TRRAP: variants seen among roughly 807,000 people sequenced by gnomAD.
The protein encoded by TRRAP is transformation/transcription domain-associated protein.
Under a neutral mutation model 438.8 loss-of-function variants are expected in TRRAP, and 41 were observed. The observed-to-expected ratio is 0.09, with a 90% CI of 0.07 to 0.12. TRRAP has a LOEUF of 0.12. Ranked by LOEUF, TRRAP falls within the 10% of genes least tolerant of loss-of-function variation. The probability of loss-of-function intolerance (pLI) is 1.00; values close to 1 mark genes in which losing one functional copy is unlikely to be tolerated. For missense variants in TRRAP, 3,122 were observed against 5,055.1 expected (o/e 0.62, Z 11.60); for synonymous variants, 1,994 against 1,962.9 (o/e 1.02, Z -0.42).
intron 28 of TRRAP, among the ~76,000 whole-genome samples, chr7:98,936,045 C>T (rs746175981): frequency 1.2e-4 from 18 of 152,202 alleles, no homozygotes; most frequent in Non-Finnish European, 2.6e-4. Context: ...TTTGTTAATC[C>T]TGCAGTCTCT....
intron 30 of TRRAP, among the ~76,000 whole-genome samples, chr7:98,940,125 C>G (rs1311512600): frequency 6.6e-6 from 1 of 152,004 alleles, no homozygotes; most frequent in Non-Finnish European, 1.5e-5. Context: ...CTCAAGTGAT[C>G]CACCTGCCTT....
Position 98,931,684 on chromosome 7 carries a change from G to A in TRRAP, c.3852+19G>A. Reference sequence around the variant, plus strand: ...CAAAGAGGTGAGATTTCTGTCACCAGAACCAAGGTAATTTCAACAAAACTT... The same window carrying A: ...CAAAGAGGTGAGATTTCTGTCACCAAAACCAAGGTAATTTCAACAAAACTT... On this transcript the variant is annotated intron_variant, in intron 26 of 72. Coordinates refer to ENST00000456197, the MANE Select transcript of TRRAP (RefSeq NM_001375524.1). The A allele has an allele frequency of 6.3e-7, 1 of 1,598,200 alleles. No homozygotes were observed.
chr7:98,953,391 C>G lies in TRRAP; in HGVS notation c.5688C>G (p.His1896Gln). 6.2e-7 allele frequency: 1 copy of G among 1,613,352 alleles called. No homozygotes were observed. The highest frequency in any genetic ancestry group is 8.5e-7 in the Non-Finnish European group (1 of 1,180,030). Residue 1896 changes from histidine (H) to glutamine (Q), a missense_variant, in exon 40 of 73, where the codon CAC becomes CAG. By Grantham distance (24) the His-to-Gln change is conservative (BLOSUM62 0). This residue lies in a region of TRRAP where 22 missense variants were observed against 28.8 expected (regional missense o/e 0.76). Coordinates refer to ENST00000456197, the MANE Select transcript of TRRAP (RefSeq NM_001375524.1). The stretch of plus-strand genomic sequence containing the variant: ...ACAGCGGACACTTGCTCCTGGCGCA[C>G]ATTATCGCCAAATTCGCCATACACA... ...CKYSGHLLLA[H>Q]IIAKFAIHKK...
chr7:98,989,935 C>G (rs1252921355), intron 63 of TRRAP, among the ~76,000 whole-genome samples: 1 of 152,160 alleles, frequency 6.6e-6, no homozygotes, highest in Non-Finnish European at 1.5e-5. Flanking sequence ...GTCATTAAAA[C>G]TAAATCAAAA....
intron 12 of TRRAP, 56 bp from the exon 13 acceptor site, chr7:98,906,121 T>G: frequency 6.6e-7 from 1 of 1,523,360 alleles, no homozygotes; most frequent in Non-Finnish European, 9.1e-7. Context: ...GTAAAGTAAT[T>G]TAATGTGTGT....
At chr7:98,886,349 T>C (rs1321958257) in intron 3 of TRRAP, among the ~76,000 whole-genome samples, 1 of 151,196 alleles carries the variant, frequency 6.6e-6, no homozygotes, top group Admixed American at 6.6e-5. Flanking sequence ...TAGATATAGA[T>C]ATCTATATAG....
chr7:98,883,287 A>G (rs1467849458), intron 3 of TRRAP, among the ~76,000 whole-genome samples: 1 of 151,686 alleles, frequency 6.6e-6, no homozygotes. Flanking sequence ...ATTTTTTTAA[A>G]TTTTAGTTAT....
chr7:98,953,108 C>A, intron 39 of TRRAP, 59 bp from the exon 40 acceptor site: 6 of 1,538,560 alleles, frequency 3.9e-6, no homozygotes, highest in East Asian at 2.6e-5. Flanking sequence ...GTCGTATGAC[C>A]CTCAGTCAGT....
chr7:98,955,334 C>T (rs368416408), intron 41 of TRRAP, 30 bp downstream of exon 41: 80 of 1,577,004 alleles, frequency 5.1e-5, no homozygotes, highest in South Asian at 1.6e-4. Context: ...GGCTGCGGGG[C>T]GCGCGTCTTC....
intron 29 of TRRAP, 29 bp downstream of exon 29, chr7:98,937,306 A>G (rs782276817): frequency 1.9e-6 from 3 of 1,563,446 alleles, no homozygotes; most frequent in Admixed American, 3.6e-5. Context: ...GTGTATGCGC[A>G]CGCGTGTGTG....
At position 98,956,214 on chromosome 7, in the gene TRRAP, G is replaced by T. The variant is rs369956134; in HGVS notation, c.6006G>T (p.Thr2002=). The T allele has an allele frequency of 1.2e-6, 2 of 1,613,638 alleles. No individual in the cohort carries two copies. Among genetic ancestry groups the T allele is most frequent in the Admixed American group, 1.7e-5 (1 of 60,004 alleles). Residue 2002 remains threonine, a synonymous_variant, in exon 42 of 73, where the codon ACG becomes ACT. Transcript: ENST00000456197. The surrounding 1 kb of genome is among the most constrained non-coding windows in gnomAD (Gnocchi z 4.5). ...MVSAMQRLGF[T]PSVTIEQRRL... is the part of the protein sequence containing the mutation. ...GCGCCATGCAGAGGCTGGGCTTCAC[G>T]CCCAGTGTCACCATCGAGCAGAGGC...
intron 39 of TRRAP, among the ~76,000 whole-genome samples, chr7:98,951,220 G>C (rs1359002580): frequency 8.5e-5 from 13 of 152,142 alleles, no homozygotes; most frequent in African/African-American, 3.1e-4. Flanking sequence ...CCTTACTTTC[G>C]AATGAATTAA....
intron 67 of TRRAP, chr7:98,999,119 A>T (rs1210360158): frequency 2.0e-5 from 31 of 1,536,254 alleles, no homozygotes; most frequent in Non-Finnish European, 2.6e-5. Flanking sequence ...GTGGCCACCG[A>T]AGGGCACTTT....
chr7:98,973,497 G>C (rs984249947), intron 53 of TRRAP, among the ~76,000 whole-genome samples: 1 of 152,208 alleles, frequency 6.6e-6, no homozygotes, highest in African/African-American at 2.4e-5. Flanking sequence ...CAATATTTTT[G>C]TCTTGGCTCA....
chr7:99,012,814 G>GAA lies in TRRAP; in HGVS notation c.*461_*462dup, dbSNP rs1794483769. ...TGTACAGAAAACTCATTTTGTTTGA[G>GAA]AAACAGGAGTTGATGAACCCATCAT... is the stretch of plus-strand genomic sequence containing the variant. On this transcript the variant is annotated 3_prime_UTR_variant, in exon 73 of 73. Transcript: ENST00000456197. The surrounding 1 kb of genome is among the most constrained non-coding windows in gnomAD (Gnocchi z 5.9). The GAA allele has an allele frequency of 6.3e-6, 1 of 157,788 alleles. No homozygotes were observed. The highest frequency in any genetic ancestry group is 1.4e-5 in the Non-Finnish European group (1 of 71,940). The allele number at this position is 157,788 out of a possible 1,614,324, so 9.8% of individuals were successfully genotyped here. A position where few individuals can be genotyped will look rare whatever the true frequency, so the allele number is the denominator to read the frequency against.
chr7:98,896,740 ACT>A (rs1796226146), intron 7 of TRRAP, among the ~76,000 whole-genome samples: 1 of 151,862 alleles, frequency 6.6e-6, no homozygotes, highest in Non-Finnish European at 1.5e-5. Flanking sequence ...GATAAAATTG[ACT>A]CTTTTTGGCA....
intron 58 of TRRAP, among the ~76,000 whole-genome samples, chr7:98,980,134 G>A (rs536857498): frequency 3.3e-5 from 5 of 152,150 alleles, no homozygotes; most frequent in East Asian, 1.9e-4. Context: ...GTGGGTTATC[G>A]AGAACTAAGA....
intron 37 of TRRAP, 66 bp downstream of exon 37, chr7:98,949,907 C>T (rs1791254402): frequency 6.3e-7 from 1 of 1,579,664 alleles, no homozygotes. Context: ...CCAGAGCCTC[C>T]TTCTACTCTG....
At chr7:98,990,418 T>C (rs1793381070) in intron 63 of TRRAP, 37 bp from the exon 64 acceptor site, 5 of 1,601,570 alleles carry the variant, frequency 3.1e-6, no homozygotes, top group East Asian at 2.2e-5. Context: ...GGCTTCAGAA[T>C]TGTCATTCTA....
Sources: allele counts gnomAD v4.1 joint callset (sites outside exome capture counted in the v4.1 genomes callset), GRCh38; gene constraint gnomAD v4.1.1; regional missense constraint gnomAD v4.1.1; non-coding constraint Gnocchi (gnomAD v3.1); transcripts MANE v1.5; gene names NCBI Gene and HGNC (gene_info 2026-07-23, HGNC 2026-07-21).